Variants in EFNB2 observed in about 807,000 individuals in gnomAD.
EFNB2 encodes the protein ephrin-B2.
EFNB2 carries 5 observed loss-of-function variants against 32.1 expected under a neutral mutation model. That is an observed-to-expected ratio of 0.16 (90% CI 0.08 to 0.33). The LOEUF is 0.33. Among genes scored for constraint, EFNB2 ranks in the 10% least tolerant of loss-of-function variants. EFNB2 has a pLI of 1.00. For missense variants in EFNB2, 263 were observed against 422.6 expected, an observed-to-expected ratio of 0.62 and a Z score of 3.31; for synonymous variants, 168 against 166.5, an observed-to-expected ratio of 1.01 and a Z score of -0.07.
At chr13:106,530,802 A>G (rs1227555797) in intron 1 of EFNB2, among the ~76,000 whole-genome samples, 1 of 152,194 alleles carries the variant, frequency 6.6e-6, no homozygotes, top group African/African-American at 2.4e-5. Context: ...AAGATTTCAG[A>G]GGAAGGAAAG....
chr13:106,506,809 T>C (rs922509843), intron 2 of EFNB2: 1 of 152,182 alleles, frequency 6.6e-6, no homozygotes, highest in Non-Finnish European at 1.5e-5. Context: ...TGGATTCCCA[T>C]CAACCCTGTG....
intron 3 of EFNB2, 61 bp from the exon 4 acceptor site, chr13:106,495,055 G>T: frequency 1.5e-6 from 2 of 1,312,854 alleles, no homozygotes; most frequent in Non-Finnish European, 1.1e-6. Flanking sequence ...AGCTTTAGGA[G>T]CTGCATATAT....
chr13:106,493,010 G>A lies in EFNB2; in HGVS notation c.*30C>T, dbSNP rs755013813. The A allele has an allele frequency of 1.1e-5, 18 of 1,575,564 alleles. No homozygotes were observed. The South Asian group carries it at 2.1e-4, about 18-fold the overall frequency. ...GGCATCGGGACATTAGGTGTCCTCT[G>A]GGAAAGCACAGGTACCACCAGGGTC... On this transcript the variant is annotated 3_prime_UTR_variant, in exon 5 of 5. Coordinates refer to ENST00000646441, the MANE Select transcript of EFNB2 (RefSeq NM_004093.4). The surrounding 1 kb of genome is among the most constrained non-coding windows in gnomAD (Gnocchi z 6.1).
chr13:106,522,622 G>C (rs1879561488), intron 1 of EFNB2, among the ~76,000 whole-genome samples: 1 of 152,184 alleles, frequency 6.6e-6, no homozygotes, highest in Admixed American at 6.5e-5. Context: ...CTACAATCTA[G>C]AGTTAGGGAG....
chr13:106,497,040 T>G (rs890250803), intron 2 of EFNB2, among the ~76,000 whole-genome samples: 1 of 152,204 alleles, frequency 6.6e-6, no homozygotes, highest in South Asian at 2.1e-4. Context: ...CTGGTAAAAA[T>G]AAATCCCAAA....
chr13:106,506,909 C>T (rs762591961), intron 2 of EFNB2, among the ~76,000 whole-genome samples: 20 of 152,106 alleles, frequency 1.3e-4, no homozygotes, highest in Non-Finnish European at 2.2e-4. Context: ...CTCAGGAACT[C>T]GGGTCTTCCA....
At chr13:106,506,087 C>A (rs1487827243) in intron 2 of EFNB2, 1 of 152,160 alleles carries the variant, frequency 6.6e-6, no homozygotes, top group East Asian at 1.9e-4. Context: ...TAAATTCAAT[C>A]AGGAGTCTCA....
chr13:106,519,949 C>T (rs1160505334), intron 1 of EFNB2: 1 of 152,102 alleles, frequency 6.6e-6, no homozygotes, highest in East Asian at 1.9e-4. Context: ...ATAAAATTAT[C>T]CTAGTTGAAG....
rs1015980153 is a variant in EFNB2, at chr13:106,495,975, A to G, written c.407-135T>C. The G allele has an allele frequency of 2.4e-5, 20 of 835,912 alleles. No homozygotes were observed. In the African/African-American group the frequency reaches 3.0e-4, roughly 12 times the overall value. The allele number at this position is 835,912 out of a possible 1,614,324, so 51.8% of individuals were successfully genotyped here. On this transcript the variant is annotated intron_variant, in intron 2 of 4. Transcript: ENST00000646441. ...TTCACTCTTAGTCACAAGTTTTCTG[A>G]AAGTATGGGGATGCTGAAAGCCAAA...
intron 2 of EFNB2, among the ~76,000 whole-genome samples, chr13:106,504,939 T>C (rs983236352): frequency 6.6e-6 from 1 of 152,088 alleles, no homozygotes; most frequent in African/African-American, 2.4e-5. Context: ...TAGTATAGAT[T>C]TATTGAAAAA....
rs779383406 is a variant in EFNB2 at position 106,512,829 on chromosome 13, A to C, written c.123-17T>G. The stretch of plus-strand genomic sequence containing the variant: ...GGTAGAAATCTAAAAGCATAAGAAA[A>C]AAAAGCCATTGAGTTGATAAAAATT... On this transcript the variant is annotated splice_polypyrimidine_tract_variant and intron_variant, in intron 1 of 4. Transcript: ENST00000646441. The C allele has an allele frequency of 7.1e-6, 11 of 1,547,534 alleles. No individual in the cohort carries two copies. The highest frequency in any genetic ancestry group is 9.6e-6 in the Non-Finnish European group (11 of 1,147,934).
chr13:106,501,334 ATT>A (rs61108454), intron 2 of EFNB2, among the ~76,000 whole-genome samples: 122,278 of 151,944 alleles, frequency 0.8, 50,256 homozygotes, highest in East Asian at 0.99. Flanking sequence ...AATTTCATTC[ATT>A]TTTTTTTCTA....
At chr13:106,503,454 G>A (rs865854012) in intron 2 of EFNB2, among the ~76,000 whole-genome samples, 2 of 152,148 alleles carry the variant, frequency 1.3e-5, no homozygotes, top group South Asian at 4.1e-4. Context: ...GGGAATCCGG[G>A]AGTGGCCAAT....
chr13:106,495,018 T>C (rs1478389018), intron 3 of EFNB2, 24 bp from the exon 4 acceptor site: 2 of 1,579,282 alleles, frequency 1.3e-6, no homozygotes, highest in African/African-American at 2.7e-5. Context: ...AAATGATTAA[T>C]TACGGCACAG....
At chr13:106,505,996 G>A (rs1878938458) in intron 2 of EFNB2, 1 of 152,152 alleles carries the variant, frequency 6.6e-6, no homozygotes, top group South Asian at 2.1e-4. Flanking sequence ...CCGAGAGCCA[G>A]GAGTTTCTCA....
In EFNB2 at chr13:106,490,232, T is replaced by G. The variant is rs1878352345; in HGVS notation, c.*2808A>C. Reference sequence around the variant, plus strand: ...TGTGTATTTTTATTAAAAAGGTGAATAAGGCTACTGTAACACCCCAAATCC... The same window carrying G: ...TGTGTATTTTTATTAAAAAGGTGAAGAAGGCTACTGTAACACCCCAAATCC... On this transcript the variant is annotated 3_prime_UTR_variant, in exon 5 of 5. Coordinates refer to ENST00000646441, the MANE Select transcript of EFNB2 (RefSeq NM_004093.4). The G allele has an allele frequency of 6.6e-6, 1 of 152,408 alleles. No individual in the cohort carries two copies. The highest frequency in any genetic ancestry group is 1.9e-4 in the East Asian group (1 of 5,192). 9.4% of individuals were successfully genotyped at this position (152,408 alleles called of 1,614,324 possible).
At chr13:106,499,306 C>A (rs1426951701) in intron 2 of EFNB2, among the ~76,000 whole-genome samples, 1 of 152,040 alleles carries the variant, frequency 6.6e-6, no homozygotes, top group African/African-American at 2.4e-5. Context: ...ATTATACCTC[C>A]TTCCTGGCAG....
rs1202937922 is a variant in EFNB2 at position 106,535,535 on chromosome 13, G to A, written c.-571C>T. 7 of 149,844 alleles carry A rather than the reference G, an allele frequency of 4.7e-5. No homozygotes were observed. Among genetic ancestry groups the A allele is most frequent in the African/African-American group, 1.5e-4 (6 of 41,074 alleles). 9.3% of individuals were successfully genotyped at this position (149,844 alleles called of 1,614,324 possible). On this transcript the variant is annotated 5_prime_UTR_variant, in exon 1 of 5. Transcript: ENST00000646441. ...TCCCGGCCCCCAGGGCAGGAAAGAGGGAGCTCGGTCCCCGCCGCGGGCTCC... is the reference window on the plus strand; with the variant it reads ...TCCCGGCCCCCAGGGCAGGAAAGAGAGAGCTCGGTCCCCGCCGCGGGCTCC...
In EFNB2 at chr13:106,535,587, G is replaced by C. The variant is rs1188959755; in HGVS notation, c.-623C>G. 6.6e-6 allele frequency: 1 copy of C among 150,536 alleles called. No individual in the cohort carries two copies. 9.3% of individuals were successfully genotyped at this position (150,536 alleles called of 1,614,324 possible). A position where few individuals can be genotyped will look rare whatever the true frequency, so the allele number is the denominator to read the frequency against. On this transcript the variant is annotated 5_prime_UTR_variant, in exon 1 of 5. Transcript: ENST00000646441. Reference sequence around the variant, plus strand: ...GACGCGCGCGGGCCTTTGTGTGCGGGGAGGGCGCCGGGACCCGCTGCGTGC... The same window carrying C: ...GACGCGCGCGGGCCTTTGTGTGCGGCGAGGGCGCCGGGACCCGCTGCGTGC...
Sources: allele counts gnomAD v4.1 joint callset (sites outside exome capture counted in the v4.1 genomes callset), GRCh38; gene constraint gnomAD v4.1.1; non-coding constraint Gnocchi (gnomAD v3.1); transcripts MANE v1.5; gene names NCBI Gene and HGNC (gene_info 2026-07-23, HGNC 2026-07-21).